Variants in CACNA1E observed in about 807,000 individuals in gnomAD.
The protein encoded by CACNA1E is voltage-dependent R-type calcium channel subunit alpha-1E.
In CACNA1E, 40 loss-of-function variants were observed where a neutral mutation model predicts 259.2. The observed-to-expected ratio is 0.15, with a 90% CI of 0.12 to 0.20. The LOEUF is 0.20. Among genes scored for constraint, CACNA1E ranks in the 10% least tolerant of loss-of-function variants. CACNA1E has a pLI of 1.00. For synonymous variants in CACNA1E, 1,104 were observed against 1,138.5 expected (o/e 0.97, Z 0.61); for missense variants, 1,874 against 3,040.1 (o/e 0.62, Z 9.02).
At chr1:181,715,473 A>G in intron 9 of CACNA1E, 82 bp downstream of exon 9, 1 of 730,540 alleles carries the variant, frequency 1.4e-6, no homozygotes, top group Admixed American at 2.2e-5. Context: ...AAAAGGAGAG[A>G]AAGAAATGAA....
chr1:181,430,958 A>T (rs1447372273), intron 2 of CACNA1E, among the ~76,000 whole-genome samples: 1 of 152,230 alleles, frequency 6.6e-6, no homozygotes, highest in African/African-American at 2.4e-5. Flanking sequence ...CTTTGCAATA[A>T]TAACATTAGA....
chr1:181,484,038 C>G, intron 1 of CACNA1E, 28 bp downstream of exon 1: 1 of 1,602,344 alleles, frequency 6.2e-7, no homozygotes, highest in East Asian at 2.2e-5. Flanking sequence ...CCATAACTCC[C>G]TCTCCCCCTT....
chr1:181,637,408 C>T (rs1334828148), intron 6 of CACNA1E, among the ~76,000 whole-genome samples: 1 of 126,404 alleles, frequency 7.9e-6, no homozygotes, highest in Non-Finnish European at 1.6e-5. Context: ...TAATCCCTTC[C>T]TCCCTCCCTC....
intron 6 of CACNA1E, among the ~76,000 whole-genome samples, chr1:181,588,941 A>G (rs1417550070): frequency 6.6e-6 from 1 of 152,240 alleles, no homozygotes; most frequent in Non-Finnish European, 1.5e-5. Flanking sequence ...TGGGGATGGC[A>G]CAGTGCCAGT....
At chr1:181,748,134 T>C (rs930972707) in intron 25 of CACNA1E, among the ~76,000 whole-genome samples, 11 of 152,202 alleles carry the variant, frequency 7.2e-5, no homozygotes, top group Non-Finnish European at 1.6e-4. Context: ...ATTTTATTTT[T>C]TTTTATTTTA....
intron 3 of CACNA1E, among the ~76,000 whole-genome samples, chr1:181,538,933 G>A (rs980616486): frequency 6.6e-6 from 1 of 152,176 alleles, no homozygotes; most frequent in Non-Finnish European, 1.5e-5. Context: ...GCAATTCTTT[G>A]CCTAAAGGCT....
intron 3 of CACNA1E, among the ~76,000 whole-genome samples, chr1:181,545,616 G>T (rs1306649633): frequency 6.6e-6 from 1 of 152,194 alleles, no homozygotes. Context: ...CAAGAAGCTG[G>T]AGGATAGAAT....
Position 181,583,875 on chromosome 1 carries a change from T to C in CACNA1E, c.951+3099T>C, listed in dbSNP as rs571486422. Among the ~76,000 whole-genome samples, 35 of 152,276 alleles carry C rather than the reference T, an allele frequency of 2.3e-4. No homozygotes were observed. The South Asian group carries it at 7.0e-3, about 31-fold the overall frequency. Reference sequence around the variant, plus strand: ...ACAGTTCTGGCTATTGCTACCTGTTTGCACTGTCTGTCCCAAAGGTCTCCT... The same window carrying C: ...ACAGTTCTGGCTATTGCTACCTGTTCGCACTGTCTGTCCCAAAGGTCTCCT... On this transcript the variant is annotated intron_variant, in intron 6 of 47. Transcript: ENST00000367573.
chr1:181,762,693 G>A, intron 33 of CACNA1E, 36 bp downstream of exon 33: 1 of 1,307,230 alleles, frequency 7.6e-7, no homozygotes, highest in Non-Finnish European at 1.1e-6. Context: ...TGTAAGCTTG[G>A]CCCTGGAGTA....
chr1:181,397,357 G>A (rs1007682883), intron 1 of CACNA1E, among the ~76,000 whole-genome samples: 9 of 152,168 alleles, frequency 5.9e-5, no homozygotes, highest in Non-Finnish European at 1.5e-5. Flanking sequence ...CCGGAGTGCA[G>A]TGGCACGATC....
At chr1:181,757,608 A>G (rs1369826376) in intron 30 of CACNA1E, among the ~76,000 whole-genome samples, 1 of 152,224 alleles carries the variant, frequency 6.6e-6, no homozygotes, top group Non-Finnish European at 1.5e-5. Flanking sequence ...AATGCGACAT[A>G]AAGTGCTGTA....
intron 1 of CACNA1E, among the ~76,000 whole-genome samples, chr1:181,404,990 C>T (rs2102105581): frequency 6.6e-6 from 1 of 152,330 alleles, no homozygotes; most frequent in Admixed American, 6.5e-5. Flanking sequence ...ACTGGCTCTC[C>T]CAGTCCAAAC....
chr1:181,626,125 G>A (rs1317845583), intron 6 of CACNA1E, among the ~76,000 whole-genome samples: 2 of 152,118 alleles, frequency 1.3e-5, no homozygotes, highest in South Asian at 2.1e-4. Flanking sequence ...TAATAGTAAC[G>A]TCAAAGATTG....
chr1:181,604,014 G>A (rs577577158), intron 6 of CACNA1E, among the ~76,000 whole-genome samples: 29 of 152,292 alleles, frequency 1.9e-4, no homozygotes, highest in Admixed American at 1.8e-3. Context: ...CCTTCCCTGT[G>A]GGTGGCAGAG....
intron 1 of CACNA1E, among the ~76,000 whole-genome samples, chr1:181,490,547 T>TG: frequency 6.6e-6 from 1 of 150,976 alleles, no homozygotes; most frequent in African/African-American, 2.4e-5. Context: ...AAGCATGTTT[T>TG]TTTTTTTTTT....
intron 2 of CACNA1E, chr1:181,413,626 G>C (rs527533632): frequency 2.0e-5 from 3 of 152,876 alleles, no homozygotes; most frequent in South Asian, 2.1e-4. Context: ...GGCTGGGCCT[G>C]AGGTCGGGGT....
intron 25 of CACNA1E, chr1:181,745,391 C>T: frequency 2.0e-6 from 1 of 489,482 alleles, no homozygotes; most frequent in South Asian, 1.5e-5. Flanking sequence ...AATGGGATCT[C>T]AGCCCGTGGC....
At chr1:181,590,288 A>G (rs1189901057) in intron 6 of CACNA1E, among the ~76,000 whole-genome samples, 3 of 151,700 alleles carry the variant, frequency 2.0e-5, no homozygotes, top group South Asian at 2.1e-4. Flanking sequence ...TTTAAAAGGG[A>G]TTCCTGAGAA....
intron 1 of CACNA1E, among the ~76,000 whole-genome samples, chr1:181,400,027 A>G (rs1263567305): frequency 6.6e-6 from 1 of 152,230 alleles, no homozygotes; most frequent in African/African-American, 2.4e-5. Context: ...TTGAAGGATG[A>G]ATAGTACAGG....
Sources: gnomAD v4.1 joint callset for allele counts (sites outside exome capture counted in the v4.1 genomes callset) on GRCh38, gnomAD v4.1.1 for gene constraint, MANE v1.5 for transcripts, NCBI Gene and HGNC (gene_info 2026-07-23, HGNC 2026-07-21) for gene names.